GRM4: variants seen among roughly 807,000 people sequenced by gnomAD.
The protein encoded by GRM4 is glutamate metabotropic receptor 4.
Under a neutral mutation model 81.7 loss-of-function variants are expected in GRM4, and 28 were observed. That is an observed-to-expected ratio of 0.34 (90% CI 0.25 to 0.47). GRM4 has a LOEUF of 0.47. GRM4 is among the 20% of genes least tolerant of loss of function. GRM4 has a pLI of 1.00. For synonymous variants in GRM4, 488 were observed against 528.8 expected, an observed-to-expected ratio of 0.92 and a Z score of 1.06; for missense variants, 948 against 1,290.0, an observed-to-expected ratio of 0.73 and a Z score of 4.06.
At chr6:34,151,993 G>A (rs576392831) in intron 1 of GRM4, among the ~76,000 whole-genome samples, 2 of 152,138 alleles carry the variant, frequency 1.3e-5, no homozygotes, top group South Asian at 2.1e-4. Context: ...GGGACCTCAC[G>A]ACTGGGGCCT....
intron 2 of GRM4, among the ~76,000 whole-genome samples, chr6:34,099,220 C>T (rs893914224): frequency 1.1e-4 from 17 of 152,288 alleles, no homozygotes; most frequent in Middle Eastern, 6.8e-3. Context: ...TCCCAGGCCC[C>T]GCCAAGGAGA....
chr6:34,142,888 A>C (rs1332330953), intron 1 of GRM4, among the ~76,000 whole-genome samples: 2 of 152,136 alleles, frequency 1.3e-5, no homozygotes, highest in African/African-American at 4.8e-5. Context: ...AACTCCTGAC[A>C]TGCTCCCGCC....
intron 3 of GRM4, among the ~76,000 whole-genome samples, chr6:34,067,613 C>T (rs1012582230): frequency 1.7e-5 from 2 of 115,608 alleles, no homozygotes; most frequent in African/African-American, 8.8e-5. Context: ...TCCCTTCATG[C>T]CTTCCTCCCT....
At chr6:34,122,947 A>G (rs1657019647) in intron 2 of GRM4, among the ~76,000 whole-genome samples, 1 of 152,236 alleles carries the variant, frequency 6.6e-6, no homozygotes, top group Admixed American at 6.5e-5. Context: ...CAAGAAGGGC[A>G]TTCCAGAAGG....
intron 3 of GRM4, among the ~76,000 whole-genome samples, chr6:34,087,217 G>A (rs1052402682): frequency 6.6e-6 from 1 of 151,682 alleles, no homozygotes; most frequent in Non-Finnish European, 1.5e-5. Flanking sequence ...TCAGGGATTC[G>A]AGACCAACCG....
At chr6:34,065,883 C>G (rs1301097240) in intron 3 of GRM4, among the ~76,000 whole-genome samples, 1 of 152,174 alleles carries the variant, frequency 6.6e-6, no homozygotes, top group Non-Finnish European at 1.5e-5. Context: ...AGACGAGGCT[C>G]TCACCACTGC....
In GRM4 at chr6:34,059,519, C is replaced by T; in HGVS notation, c.873-391G>A. 1 of 258,638 alleles carries T rather than the reference C, an allele frequency of 3.9e-6. No homozygotes were observed. The highest frequency in any genetic ancestry group is 7.6e-6 in the Non-Finnish European group (1 of 132,232). 16.0% of individuals were successfully genotyped at this position (258,638 alleles called of 1,614,324 possible). A position where few individuals can be genotyped will look rare whatever the true frequency, so the allele number is the denominator to read the frequency against. On this transcript the variant is annotated intron_variant, in intron 4 of 10. Transcript: ENST00000538487. This position sits in a 1 kb window ranked among gnomAD's most constrained non-coding sequence, Gnocchi z 5.7. ...TGAGACGCATGCCTTCCTGGCTCAT[C>T]CACCCCCACATTCCTTGCCCATTCT... is the stretch of plus-strand genomic sequence containing the variant.
chr6:34,107,053 C>T (rs377637631), intron 2 of GRM4, among the ~76,000 whole-genome samples: 1 of 152,254 alleles, frequency 6.6e-6, no homozygotes, highest in African/African-American at 2.4e-5. Context: ...TCCCTCTGCC[C>T]AGCACGGCCT....
intron 3 of GRM4, chr6:34,091,594 G>A (rs1264453345): frequency 2.2e-6 from 1 of 449,546 alleles, no homozygotes; most frequent in Non-Finnish European, 4.0e-6. Flanking sequence ...CCTCTGCTGT[G>A]AGGAGAGCGG....
rs1302142921 is a variant in GRM4 at position 34,048,213 on chromosome 6, G to A, written c.1169-7465C>T. Among the ~76,000 whole-genome samples the A allele has an allele frequency of 6.6e-6, 1 of 152,168 alleles. No individual in the cohort carries two copies. The highest frequency in any genetic ancestry group is 1.5e-5 in the Non-Finnish European group (1 of 68,020). On this transcript the variant is annotated intron_variant, in intron 6 of 10. Transcript: ENST00000538487. The surrounding 1 kb of genome is among the most constrained non-coding windows in gnomAD (Gnocchi z 4.0). ...AGGATTCGAGCCCCAGGGTCTGGTG[G>A]GGCCAGCTGGAAACCCCCACTCAGC...
At chr6:34,099,246 G>A (rs1768703086) in intron 2 of GRM4, among the ~76,000 whole-genome samples, 1 of 152,228 alleles carries the variant, frequency 6.6e-6, no homozygotes, top group Non-Finnish European at 1.5e-5. Context: ...ACTTTCCTGG[G>A]AGCCAGGGGA....
chr6:34,071,709 C>A (rs1236222268), intron 3 of GRM4, among the ~76,000 whole-genome samples: 1 of 147,484 alleles, frequency 6.8e-6, no homozygotes, highest in Admixed American at 6.8e-5. Flanking sequence ...AGATACACAC[C>A]ATGCACACAC....
intron 10 of GRM4, among the ~76,000 whole-genome samples, chr6:34,026,092 C>G (rs1764120636): frequency 6.6e-6 from 1 of 152,188 alleles, no homozygotes; most frequent in African/African-American, 2.4e-5. Context: ...CACCAGCTGA[C>G]AGTCCCCGTT....
At chr6:34,061,724 C>T (rs960528968) in intron 4 of GRM4, 169 bp downstream of exon 4, 8 of 645,356 alleles carry the variant, frequency 1.2e-5, no homozygotes, top group Admixed American at 2.5e-5. Flanking sequence ...GTAGCTTGTG[C>T]TCTAGCCTGT....
At chr6:34,124,098 C>G (rs1200051204) in intron 2 of GRM4, among the ~76,000 whole-genome samples, 2 of 152,184 alleles carry the variant, frequency 1.3e-5, no homozygotes, top group African/African-American at 4.8e-5. Context: ...TCCCAAGAGA[C>G]CTGGTGACTT....
chr6:34,082,120 GCCT>G (rs1489262887), intron 3 of GRM4, among the ~76,000 whole-genome samples: 108 of 95,818 alleles, frequency 1.1e-3, no homozygotes, highest in African/African-American at 2.9e-3. Context: ...TCCAGTGGGA[GCCT>G]GCGGGACAGA....
chr6:34,103,489 G>T, intron 2 of GRM4: 1 of 963,014 alleles, frequency 1.0e-6, no homozygotes, highest in Non-Finnish European at 1.6e-6. Flanking sequence ...GAGAGCAGGC[G>T]GGGGCGGCGG....
chr6:34,097,538 C>G (rs1317574945), intron 2 of GRM4, among the ~76,000 whole-genome samples: 1 of 152,218 alleles, frequency 6.6e-6, no homozygotes, highest in Non-Finnish European at 1.5e-5. Context: ...AGCAGCCTCA[C>G]ACAACCAGCC....
At chr6:34,110,882 T>C (rs1769347461) in intron 2 of GRM4, 2 of 1,298,570 alleles carry the variant, frequency 1.5e-6, no homozygotes, top group South Asian at 2.4e-5. Flanking sequence ...TAGCAGGAAG[T>C]TCCCCCCAGG....
Sources: gnomAD v4.1 joint callset for allele counts (sites outside exome capture counted in the v4.1 genomes callset) on GRCh38, gnomAD v4.1.1 for gene constraint, Gnocchi (gnomAD v3.1) non-coding constraint, MANE v1.5 for transcripts, NCBI Gene and HGNC (gene_info 2026-07-23, HGNC 2026-07-21) for gene names.